Variants in LRRC4C observed in about 807,000 individuals in gnomAD.
LRRC4C encodes the protein leucine rich repeat containing 4C.
Under a neutral mutation model 33.6 loss-of-function variants are expected in LRRC4C, and 5 were observed. The observed-to-expected ratio is 0.15, with a 90% CI of 0.08 to 0.31. The LOEUF is 0.31. Ranked by LOEUF, LRRC4C falls within the 10% of genes least tolerant of loss-of-function variation. The probability of loss-of-function intolerance (pLI) is 1.00; values close to 1 mark genes in which losing one functional copy is unlikely to be tolerated. For synonymous variants in LRRC4C, 329 were observed against 302.0 expected, an observed-to-expected ratio of 1.09 and a Z score of -0.93; for missense variants, 560 against 796.7, an observed-to-expected ratio of 0.70 and a Z score of 3.58.
intron 1 of LRRC4C, among the ~76,000 whole-genome samples, chr11:40,958,914 G>A (rs938470740): frequency 6.6e-6 from 1 of 151,632 alleles, no homozygotes; most frequent in African/African-American, 2.4e-5. Context: ...GTCTCAAGAA[G>A]ATTAGATCTA....
Position 40,500,666 on chromosome 11 carries a change from T to C in LRRC4C, c.-270+147476A>G, listed in dbSNP as rs117188656. ...TACAGTACGGGAGAAACTGCCCCGA[T>C]AGTTCAATTATCTCCCACCAGGTCC... On this transcript the variant is annotated intron_variant, in intron 3 of 6. Transcript: ENST00000528697. 2.7e-4 allele frequency among the ~76,000 whole-genome samples: 41 copies of C among 152,192 alleles called. No homozygotes were observed. In the East Asian group the frequency reaches 7.4e-3, roughly 27 times the overall value.
chr11:40,945,322 A>G (rs1015327510), intron 1 of LRRC4C, among the ~76,000 whole-genome samples: 1 of 152,060 alleles, frequency 6.6e-6, no homozygotes, highest in Admixed American at 6.6e-5. Flanking sequence ...GCCCGGGCCA[A>G]CTTTGCAGTT....
In LRRC4C at chr11:41,452,536, A is replaced by G. The variant is rs1256154779; in HGVS notation, c.-496+6895T>C. Among the ~76,000 whole-genome samples, 5 of 152,122 alleles carry G rather than the reference A, an allele frequency of 3.3e-5. No homozygotes were observed. In the South Asian group the frequency reaches 6.2e-4, roughly 19 times the overall value. On this transcript the variant is annotated intron_variant, in intron 1 of 6. Coordinates refer to ENST00000528697, the MANE Select transcript of LRRC4C (RefSeq NM_001258419.2). ...TGCTATTTCCTCTCTTTTTCAAGAA[A>G]GCTTTCATAATATGACCTTTTCTCT...
intron 3 of LRRC4C, among the ~76,000 whole-genome samples, chr11:40,558,608 CT>C (rs1957421419): frequency 1.3e-5 from 2 of 152,200 alleles, no homozygotes; most frequent in Admixed American, 1.3e-4. Flanking sequence ...ACTCCTGCCC[CT>C]GTACTGTGTC....
intron 1 of LRRC4C, among the ~76,000 whole-genome samples, chr11:41,349,356 AC>A (rs1951900291): frequency 6.6e-6 from 1 of 152,110 alleles, no homozygotes; most frequent in Non-Finnish European, 1.5e-5. Context: ...ACACTGAGGC[AC>A]TTTTGCCATC....
At chr11:40,310,726 T>C (rs978746122) in intron 4 of LRRC4C, among the ~76,000 whole-genome samples, 1 of 152,124 alleles carries the variant, frequency 6.6e-6, no homozygotes, top group African/African-American at 2.4e-5. Context: ...GTTTTTTAAG[T>C]TTAAAAGCTA....
At chr11:40,787,646 A>G (rs1351081138) in intron 2 of LRRC4C, among the ~76,000 whole-genome samples, 1 of 152,248 alleles carries the variant, frequency 6.6e-6, no homozygotes, top group African/African-American at 2.4e-5. Context: ...GTGAAAATGA[A>G]TGCACAATCA....
intron 2 of LRRC4C, among the ~76,000 whole-genome samples, chr11:40,833,010 A>G (rs139016045): frequency 6.6e-6 from 1 of 152,190 alleles, no homozygotes. Flanking sequence ...AAATGCTATC[A>G]TATTGAATTA....
intron 2 of LRRC4C, among the ~76,000 whole-genome samples, chr11:40,905,922 A>T (rs532855789): frequency 6.6e-6 from 1 of 152,358 alleles, no homozygotes; most frequent in East Asian, 1.9e-4. Flanking sequence ...AAGAAGTTCT[A>T]CTGTGGGTAA....
At chr11:40,984,399 GAA>G (rs1235667066) in intron 1 of LRRC4C, among the ~76,000 whole-genome samples, 7 of 85,324 alleles carry the variant, frequency 8.2e-5, no homozygotes, top group Non-Finnish European at 2.2e-4. Context: ...AAGAAAGAAA[GAA>G]AGAAAGAAAG....
At chr11:40,536,619 G>A (rs994866784) in intron 3 of LRRC4C, among the ~76,000 whole-genome samples, 1 of 152,048 alleles carries the variant, frequency 6.6e-6, no homozygotes, top group Admixed American at 6.6e-5. Flanking sequence ...ATGGCTTCCT[G>A]GTTTACATAA....
At chr11:40,694,537 C>A (rs111726310) in intron 2 of LRRC4C, among the ~76,000 whole-genome samples, 2 of 152,102 alleles carry the variant, frequency 1.3e-5, no homozygotes, top group African/African-American at 4.8e-5. Context: ...TGTATTTATA[C>A]ACTCATAATG....
chr11:40,596,138 G>A (rs1360384846), intron 3 of LRRC4C, among the ~76,000 whole-genome samples: 1 of 152,206 alleles, frequency 6.6e-6, no homozygotes, highest in Non-Finnish European at 1.5e-5. Flanking sequence ...CAGCTGGGTT[G>A]GAGGAGGATG....
chr11:40,663,012 A>C (rs571097572), intron 2 of LRRC4C, among the ~76,000 whole-genome samples: 2 of 152,346 alleles, frequency 1.3e-5, no homozygotes, highest in African/African-American at 2.4e-5. Context: ...TAGAAATAGA[A>C]AATCAATAGG....
At chr11:40,620,119 T>C (rs1158822277) in intron 3 of LRRC4C, among the ~76,000 whole-genome samples, 1 of 150,874 alleles carries the variant, frequency 6.6e-6, no homozygotes, top group East Asian at 1.9e-4. Flanking sequence ...TTTTGCAGTG[T>C]GGTCTTCATG....
intron 1 of LRRC4C, among the ~76,000 whole-genome samples, chr11:41,281,916 C>T (rs571862231): frequency 6.6e-6 from 1 of 152,222 alleles, no homozygotes; most frequent in Non-Finnish European, 1.5e-5. Flanking sequence ...CCTATGGTAC[C>T]ATGGAGCACA....
chr11:40,556,762 C>G (rs1027801383), intron 3 of LRRC4C, among the ~76,000 whole-genome samples: 1 of 152,086 alleles, frequency 6.6e-6, no homozygotes, highest in African/African-American at 2.4e-5. Flanking sequence ...TTCAACAGCT[C>G]AAATCAAAGG....
intron 4 of LRRC4C, among the ~76,000 whole-genome samples, chr11:40,317,625 A>C (rs370808604): frequency 6.6e-6 from 1 of 152,064 alleles, no homozygotes. Flanking sequence ...GTCTCTCTGC[A>C]TGTCTCTTGG....
rs1394324077 is a variant in LRRC4C at position 40,463,980 on chromosome 11, CTGCA to C, written c.-269-144263_-269-144260del. 6.6e-5 allele frequency among the ~76,000 whole-genome samples: 10 copies of C among 152,040 alleles called. No individual in the cohort carries two copies. In the East Asian group the frequency reaches 1.9e-3, roughly 29 times the overall value. On this transcript the variant is annotated intron_variant, in intron 3 of 6. Transcript: ENST00000528697. ...TGGAGGGAATTATCCCTAACTCATT[CTGCA>C]TGCCCAGAATCATCCTGATACCAAA... is the stretch of plus-strand genomic sequence containing the variant.
Sources: allele counts gnomAD v4.1 joint callset (sites outside exome capture counted in the v4.1 genomes callset), GRCh38; gene constraint gnomAD v4.1.1; transcripts MANE v1.5; gene names NCBI Gene and HGNC (gene_info 2026-07-23, HGNC 2026-07-21).